Variants in EP400 observed in about 807,000 individuals in gnomAD.
The protein encoded by EP400 is E1A binding protein p400, also known as E1A-binding protein p400.
EP400 carries 105 observed loss-of-function variants against 354.1 expected under a neutral mutation model. The ratio of observed to expected loss-of-function variants is 0.30; its 90% CI spans 0.25 to 0.35. The LOEUF (loss-of-function observed/expected upper bound fraction) is 0.35. EP400 is among the 10% of genes least tolerant of loss of function. The pLI is 1.00. For missense variants in EP400, 3,280 were observed against 4,121.0 expected (o/e 0.80, Z 5.59); for synonymous variants, 1,646 against 1,716.9 (o/e 0.96, Z 1.02).
chr12:132,067,620 G>A lies in EP400; in HGVS notation c.8874+134G>A. 1 of 1,263,612 alleles carries A rather than the reference G, an allele frequency of 7.9e-7. No individual in the cohort carries two copies. The highest frequency in any genetic ancestry group is 1.1e-6 in the Non-Finnish European group (1 of 923,018). The allele number at this position is 1,263,612 out of a possible 1,614,324, so 78.3% of individuals were successfully genotyped here. A position where few individuals can be genotyped will look rare whatever the true frequency, so the allele number is the denominator to read the frequency against. ...CAGAGGGTGGCTTCAAGGGCTGGAG[G>A]TGCTAGTGTGGTCATCCCTGTTGGT... On this transcript the variant is annotated intron_variant, in intron 50 of 52. Transcript: ENST00000389561. The surrounding 1 kb of genome is among the most constrained non-coding windows in gnomAD (Gnocchi z 5.3).
At position 132,077,563 on chromosome 12, in the gene EP400, A is replaced by G; in HGVS notation, c.9262A>G (p.Asn3088Asp). Residue 3088 changes from asparagine (N) to aspartate (D), a missense_variant, in exon 53 of 53, where the codon AAC becomes GAC. Transcript: ENST00000389561. ...CCCGCTCCAGACTCCAGGCGCTCCC[A>G]ACCCAGCCCAGGTGCCCGCCAGCTC... The part of the protein sequence containing the change: ...SAPLQTPGAP[N>D]PAQVPASSDS... 1 of 1,613,878 alleles carries G rather than the reference A, an allele frequency of 6.2e-7. No individual in the cohort carries two copies. The highest frequency in any genetic ancestry group is 8.5e-7 in the Non-Finnish European group (1 of 1,179,970).
rs1173742551 is a variant in EP400 at position 132,079,157 on chromosome 12, T to A, written c.*1484T>A. ...CTTTAAGTGACATTGAGGAAGGTAT[T>A]CTGTCCCACAGGTTTCTGTGGACAG... On this transcript the variant is annotated 3_prime_UTR_variant, in exon 53 of 53. Coordinates refer to ENST00000389561, the MANE Select transcript of EP400 (RefSeq NM_015409.5). The A allele has an allele frequency of 6.6e-6, 1 of 152,278 alleles. No homozygotes were observed. Among genetic ancestry groups the A allele is most frequent in the Non-Finnish European group, 1.5e-5 (1 of 68,044 alleles). 9.4% of individuals were successfully genotyped at this position (152,278 alleles called of 1,614,324 possible). A position where few individuals can be genotyped will look rare whatever the true frequency, so the allele number is the denominator to read the frequency against.
intron 23 of EP400, among the ~76,000 whole-genome samples, chr12:132,022,893 T>G (rs1565919145): frequency 6.6e-6 from 1 of 152,134 alleles, no homozygotes; most frequent in Non-Finnish European, 1.5e-5. Context: ...TGAGCTATAA[T>G]CCTGCTACTG....
chr12:132,063,318 G>C (rs1895768947), intron 47 of EP400, among the ~76,000 whole-genome samples: 1 of 152,330 alleles, frequency 6.6e-6, no homozygotes, highest in East Asian at 1.9e-4. Flanking sequence ...TTCGAGACCA[G>C]CCTGGTCAAC....
At chr12:132,034,676 G>A (rs542799574) in intron 30 of EP400, among the ~76,000 whole-genome samples, 5 of 152,224 alleles carry the variant, frequency 3.3e-5, no homozygotes, top group East Asian at 1.9e-4. Flanking sequence ...GTTGGCTGTC[G>A]CAGTAACTGG....
Position 132,011,510 on chromosome 12 carries a change from C to G in EP400, c.3317C>G (p.Pro1106Arg), listed in dbSNP as rs1484167842. The change falls in exon 16 of 53, where the codon CCC (proline) becomes CGC (arginine). Residue 1106 changes from proline (P) to arginine (R), a missense_variant. This residue lies in a region of EP400 where 242 missense variants were observed against 357.9 expected (regional missense o/e 0.68). Transcript: ENST00000389561. ...HLACNEGNWG[P>R]HLVVVRSCNI... is the part of the protein sequence containing the mutation. ...TTTTGCTTTGTAGGTAATTGGGGCC[C>G]CCATCTTGTTGTTGTGAGAAGTTGT... is the stretch of plus-strand genomic sequence containing the variant. 1 of 1,611,880 alleles carries G rather than the reference C, an allele frequency of 6.2e-7. No individual in the cohort carries two copies. The highest frequency in any genetic ancestry group is 2.2e-5 in the East Asian group (1 of 44,842).
rs35935376 is a variant in EP400, at chr12:131,954,726, G to GAAA, written c.-36+4710_-36+4712dup. ...GGTGATAGAGTGAGACTCCATCTCA[G>GAAA]AAAAAAAAAAAAAAAAAAAAAATGG... On this transcript the variant is annotated intron_variant, in intron 1 of 52. Coordinates refer to ENST00000389561, the MANE Select transcript of EP400 (RefSeq NM_015409.5). 3.3e-4 allele frequency among the ~76,000 whole-genome samples: 28 copies of GAAA among 83,596 alleles called. 1 individual carries two copies. The highest frequency in any genetic ancestry group is 5.3e-4 in the Admixed American group (3 of 5,698). 54.8% of individuals were successfully genotyped at this position (83,596 alleles called of 152,430 possible). A position where few individuals can be genotyped will look rare whatever the true frequency, so the allele number is the denominator to read the frequency against.
Position 132,027,916 on chromosome 12 carries a change from T to A in EP400, c.5110-101T>A. The A allele has an allele frequency of 8.0e-7, 1 of 1,257,442 alleles. No homozygotes were observed. Among genetic ancestry groups the A allele is most frequent in the Middle Eastern group, 2.2e-4 (1 of 4,574 alleles). 77.9% of individuals were successfully genotyped at this position (1,257,442 alleles called of 1,614,324 possible). On this transcript the variant is annotated intron_variant, in intron 26 of 52. Transcript: ENST00000389561. This position sits in a 1 kb window ranked among gnomAD's most constrained non-coding sequence, Gnocchi z 4.9. Reference sequence around the variant, plus strand: ...ACAAGACCGGGGATATTGAAGTGGATCTCATATGTGGGAAATCACGGGCTG... The same window carrying A: ...ACAAGACCGGGGATATTGAAGTGGAACTCATATGTGGGAAATCACGGGCTG...
At chr12:132,019,174 T>C (rs1469433940) in intron 21 of EP400, among the ~76,000 whole-genome samples, 1 of 152,164 alleles carries the variant, frequency 6.6e-6, no homozygotes. Context: ...TGGGTGCTAG[T>C]CTGTCTTTTT....
chr12:132,024,024 T>C (rs1894213903), intron 24 of EP400, 83 bp downstream of exon 24: 13 of 1,383,494 alleles, frequency 9.4e-6, no homozygotes, highest in Non-Finnish European at 1.2e-5. Flanking sequence ...GGGCCTGCCT[T>C]GTGCATTTAA....
chr12:132,024,516 C>G (rs1894231491), intron 24 of EP400, among the ~76,000 whole-genome samples: 1 of 152,198 alleles, frequency 6.6e-6, no homozygotes, highest in African/African-American at 2.4e-5. Context: ...AACTCCCAGA[C>G]CCAAAGCCCA....
intron 13 of EP400, 113 bp downstream of exon 13, chr12:132,005,297 A>G: frequency 1.5e-6 from 1 of 683,700 alleles, no homozygotes; most frequent in South Asian, 3.0e-5. Flanking sequence ...ATAAAAAATT[A>G]GAAATATTTA....
rs1894266888 is a variant in EP400, at chr12:132,025,272, T to TA, written c.4856-369dup. The stretch of plus-strand genomic sequence containing the variant: ...GCAGAAAAGCCACAGGCATCTGGGC[T>TA]AAAAACAGGGTTTTGTTCTATTTCT... On this transcript the variant is annotated intron_variant, in intron 24 of 52. Coordinates refer to ENST00000389561, the MANE Select transcript of EP400 (RefSeq NM_015409.5). This position sits in a 1 kb window ranked among gnomAD's most constrained non-coding sequence, Gnocchi z 4.1. Among the ~76,000 whole-genome samples, 8 of 152,306 alleles carry TA rather than the reference T, an allele frequency of 5.3e-5. No individual in the cohort carries two copies. In the South Asian group the frequency reaches 1.7e-3, roughly 32 times the overall value.
intron 12 of EP400, among the ~76,000 whole-genome samples, chr12:131,997,516 A>T (rs1297755026): frequency 1.3e-5 from 2 of 152,120 alleles, no homozygotes; most frequent in East Asian, 1.9e-4. Context: ...TTGGCTTCAC[A>T]AAGTGCTGGG....
At position 131,986,527 on chromosome 12, in the gene EP400, C is replaced by T. The variant is rs780635858; in HGVS notation, c.1943C>T (p.Thr648Ile). ...LSSLPQMVASTRLPVDPAPPC... is the reference protein window; with the variant it reads ...LSSLPQMVASIRLPVDPAPPC... ...CTGCCCTTACAGATGGTAGCATCGA[C>T]AAGGCTCCCTGTGGACCCTGCCCCG... is the stretch of plus-strand genomic sequence containing the variant. Residue 648 changes from threonine (T) to isoleucine (I), a missense_variant, in exon 6 of 53, where the codon ACA becomes ATA. Physicochemically the swap from Thr to Ile is moderately conservative, Grantham distance 89. Around this residue, in one of 20 missense-constraint regions of EP400, gnomAD observed 800 missense variants for 840.0 expected, o/e 0.95. Transcript: ENST00000389561. 1 of 1,604,788 alleles carries T rather than the reference C, an allele frequency of 6.2e-7. No individual in the cohort carries two copies. Among genetic ancestry groups the T allele is most frequent in the Non-Finnish European group, 8.5e-7 (1 of 1,174,630 alleles).
rs921004610 is a variant in EP400, at chr12:132,078,099, C to T, written c.*426C>T. ...GATAAGGCGTGGGCTTCCACAGTGT[C>T]TGCCAGAGTTTAGTTCTTTATACCT... On this transcript the variant is annotated 3_prime_UTR_variant, in exon 53 of 53. Coordinates refer to ENST00000389561, the MANE Select transcript of EP400 (RefSeq NM_015409.5). 32 of 172,002 alleles carry T rather than the reference C, an allele frequency of 1.9e-4. No individual in the cohort carries two copies. Among genetic ancestry groups the T allele is most frequent in the Non-Finnish European group, 3.8e-4 (30 of 78,738 alleles). 10.7% of individuals were successfully genotyped at this position (172,002 alleles called of 1,614,324 possible).
intron 15 of EP400, among the ~76,000 whole-genome samples, chr12:132,007,847 G>A (rs903541319): frequency 1.1e-4 from 17 of 152,218 alleles, no homozygotes; most frequent in Non-Finnish European, 2.4e-4. Context: ...ACTGAAGGCT[G>A]TGTGGAAAGA....
chr12:131,974,987 C>CAAAAAAA (rs764013155), intron 2 of EP400, among the ~76,000 whole-genome samples: 2 of 43,300 alleles, frequency 4.6e-5, no homozygotes, highest in Admixed American at 2.5e-4. Flanking sequence ...GACTCCATCT[C>CAAAAAAA]AAAAAAAAAA....
intron 32 of EP400, among the ~76,000 whole-genome samples, chr12:132,040,566 G>C (rs951831113): frequency 6.6e-6 from 1 of 152,204 alleles, no homozygotes. Context: ...CTTGTTGATT[G>C]TCTTACTGTG....
Sources: allele counts gnomAD v4.1 joint callset (sites outside exome capture counted in the v4.1 genomes callset), GRCh38; gene constraint gnomAD v4.1.1; regional missense constraint gnomAD v4.1.1; non-coding constraint Gnocchi (gnomAD v3.1); transcripts MANE v1.5; gene names NCBI Gene and HGNC (gene_info 2026-07-23, HGNC 2026-07-21).